The following FGF12 variants were observed in gnomAD, a reference collection of about 807,000 sequenced individuals.
The protein encoded by FGF12 is fibroblast growth factor 12, also known as fibroblast growth factor 12B.
A neutral mutation model predicts 23.6 loss-of-function variants in FGF12; 14 were observed. That is an observed-to-expected ratio of 0.59 (90% CI 0.39 to 0.93). The LOEUF is 0.93. Ranked by LOEUF, FGF12 falls within the 40% of genes least tolerant of loss-of-function variation. The pLI is 0.00. For synonymous variants in FGF12, 62 were observed against 77.3 expected (o/e 0.80, Z 1.04); for missense variants, 175 against 217.8 (o/e 0.80, Z 1.24).
At chr3:192,698,220 T>C (rs1182912839) in intron 2 of FGF12, among the ~76,000 whole-genome samples, 1 of 152,212 alleles carries the variant, frequency 6.6e-6, no homozygotes. Flanking sequence ...AAGAGGGTTA[T>C]TAAAGTATTG....
At chr3:192,593,439 AT>A (rs1245653857) in intron 2 of FGF12, among the ~76,000 whole-genome samples, 8 of 151,742 alleles carry the variant, frequency 5.3e-5, no homozygotes, top group African/African-American at 1.7e-4. Context: ...CTATTTGTTT[AT>A]TTGCTGATAT....
At chr3:192,216,652 T>A (rs1336303904) in intron 4 of FGF12, among the ~76,000 whole-genome samples, 1 of 152,180 alleles carries the variant, frequency 6.6e-6, no homozygotes, top group African/African-American at 2.4e-5. Context: ...AATAGCAGGG[T>A]AGAAAACAAT....
intron 2 of FGF12, among the ~76,000 whole-genome samples, chr3:192,361,659 T>C (rs535886366): frequency 7.0e-4 from 107 of 152,340 alleles, no homozygotes; most frequent in African/African-American, 2.5e-3. Flanking sequence ...GCAGGCACTG[T>C]GTGTTACACT....
intron 2 of FGF12, among the ~76,000 whole-genome samples, chr3:192,474,445 A>G (rs79765582): frequency 0.046 from 6,943 of 152,270 alleles, 501 homozygotes; most frequent in African/African-American, 0.15. Flanking sequence ...TTTCTCTGTC[A>G]CAGTGATTGG....
intron 2 of FGF12, among the ~76,000 whole-genome samples, chr3:192,576,325 A>G (rs1335028717): frequency 1.1e-4 from 16 of 152,240 alleles, no homozygotes; most frequent in Admixed American, 1.0e-3. Flanking sequence ...AATGTTACCC[A>G]ATCACACAGA....
In FGF12 at chr3:192,342,759, G is replaced by A. The variant is rs567944260; in HGVS notation, c.125-7295C>T. Among the ~76,000 whole-genome samples, 20 of 152,190 alleles carry A rather than the reference G, an allele frequency of 1.3e-4. No homozygotes were observed. The South Asian group carries it at 3.7e-3, about 28-fold the overall frequency. On this transcript the variant is annotated intron_variant, in intron 3 of 5. Coordinates refer to ENST00000445105, the MANE Select transcript of FGF12 (RefSeq NM_004113.6). ...ACCACTCCACTCCTGCCTGGGTAAC[G>A]GGGCAGGGCATGCCTCTGTCTCAAC... is the stretch of plus-strand genomic sequence containing the variant.
intron 4 of FGF12, among the ~76,000 whole-genome samples, chr3:192,326,568 C>T (rs921346189): frequency 6.6e-6 from 1 of 152,082 alleles, no homozygotes; most frequent in Non-Finnish European, 1.5e-5. Flanking sequence ...TGCACCAAGG[C>T]AATACTTTAA....
intron 2 of FGF12, among the ~76,000 whole-genome samples, chr3:192,693,409 A>G (rs966652196): frequency 6.6e-6 from 1 of 152,184 alleles, no homozygotes; most frequent in African/African-American, 2.4e-5. Flanking sequence ...GAAATTGGAA[A>G]ATTAATTCTA....
intron 2 of FGF12, among the ~76,000 whole-genome samples, chr3:192,649,898 T>C (rs1716152293): frequency 6.6e-6 from 1 of 152,220 alleles, no homozygotes; most frequent in Non-Finnish European, 1.5e-5. Flanking sequence ...AAGATAATAG[T>C]CTTTTTAAAA....
chr3:192,247,350 T>G lies in FGF12; in HGVS notation c.229-76694A>C, dbSNP rs536384665. ...TCAAATTGGTGAGTAATTTTGCCCT[T>G]CTACCTGGCTAAAAAAACATTCATT... On this transcript the variant is annotated intron_variant, in intron 4 of 5. Transcript: ENST00000445105. Among the ~76,000 whole-genome samples the G allele has an allele frequency of 2.9e-4, 44 of 152,166 alleles. 1 individual carries two copies. Among genetic ancestry groups the G allele is most frequent in the Non-Finnish European group, 5.1e-4 (35 of 68,032 alleles).
At chr3:192,273,634 G>A (rs1713590482) in intron 4 of FGF12, among the ~76,000 whole-genome samples, 1 of 152,126 alleles carries the variant, frequency 6.6e-6, no homozygotes, top group African/African-American at 2.4e-5. Context: ...CTTCCCTGGG[G>A]CTTTGTGCAT....
chr3:192,292,975 A>T (rs4687317), intron 4 of FGF12, among the ~76,000 whole-genome samples: 70,943 of 151,760 alleles, frequency 0.47, 17,784 homozygotes, highest in East Asian at 0.94. Context: ...GATGGGGGTC[A>T]TGCTAAGTTG....
chr3:192,696,877 G>C (rs985577601), intron 2 of FGF12, among the ~76,000 whole-genome samples: 1 of 151,720 alleles, frequency 6.6e-6, no homozygotes, highest in African/African-American at 2.4e-5. Context: ...GACTAAATGA[G>C]GTAAGGGATA....
intron 2 of FGF12, among the ~76,000 whole-genome samples, chr3:192,591,859 G>A (rs1713639029): frequency 6.6e-6 from 1 of 151,802 alleles, no homozygotes. Flanking sequence ...ATGGGTAGAG[G>A]GAAAGCTGGG....
At chr3:192,491,846 C>T (rs1723811973) in intron 2 of FGF12, among the ~76,000 whole-genome samples, 1 of 152,038 alleles carries the variant, frequency 6.6e-6, no homozygotes, top group Non-Finnish European at 1.5e-5. Context: ...TGCACACTGG[C>T]TAGAAAGCAC....
intron 2 of FGF12, among the ~76,000 whole-genome samples, chr3:192,720,698 G>A (rs1391348868): frequency 3.9e-5 from 6 of 152,126 alleles, no homozygotes; most frequent in Admixed American, 2.0e-4. Flanking sequence ...ACACTAAAGA[G>A]GGTGGTAATA....
At chr3:192,424,781 C>G (rs1376499029) in intron 2 of FGF12, among the ~76,000 whole-genome samples, 1 of 152,158 alleles carries the variant, frequency 6.6e-6, no homozygotes, top group Non-Finnish European at 1.5e-5. Context: ...CACAAACACA[C>G]ACACGTATCT....
chr3:192,284,168 C>T (rs1280285986), intron 4 of FGF12, among the ~76,000 whole-genome samples: 2 of 152,046 alleles, frequency 1.3e-5, no homozygotes, highest in East Asian at 1.9e-4. Context: ...CTATTTTCTA[C>T]TAGTTAGAAC....
chr3:192,246,430 C>G lies in FGF12; in HGVS notation c.229-75774G>C, dbSNP rs78630419. ...GATGTTGTAGATAGATATACACTTT[C>G]CTTGACTCAAGATAGCATAAGTACT... On this transcript the variant is annotated intron_variant, in intron 4 of 5. Coordinates refer to ENST00000445105, the MANE Select transcript of FGF12 (RefSeq NM_004113.6). Among the ~76,000 whole-genome samples, 1,008 of 152,260 alleles carry G rather than the reference C, an allele frequency of 6.6e-3. 4 individuals carry two copies. Among genetic ancestry groups the G allele is most frequent in the African/African-American group, 0.023 (965 of 41,564 alleles).
Sources: gnomAD v4.1 joint callset for allele counts (sites outside exome capture counted in the v4.1 genomes callset) on GRCh38, gnomAD v4.1.1 for gene constraint, MANE v1.5 for transcripts, NCBI Gene and HGNC (gene_info 2026-07-23, HGNC 2026-07-21) for gene names.